The following RIC1 variants were observed in gnomAD, a reference collection of about 807,000 sequenced individuals.
The protein encoded by RIC1 is guanine nucleotide exchange factor subunit RIC1.
A neutral mutation model predicts 169.0 loss-of-function variants in RIC1; 88 were observed. The ratio of observed to expected loss-of-function variants is 0.52; its 90% CI spans 0.44 to 0.62. RIC1 has a LOEUF of 0.62. Among genes scored for constraint, RIC1 ranks in the 20% least tolerant of loss-of-function variants. RIC1 has a pLI of 0.00. For synonymous variants in RIC1, 790 were observed against 601.5 expected (o/e 1.31, Z -4.59); for missense variants, 1,877 against 1,725.5 (o/e 1.09, Z -1.56).
chr9:5,658,357 A>G (rs1169247734), intron 2 of RIC1, among the ~76,000 whole-genome samples: 1 of 152,144 alleles, frequency 6.6e-6, no homozygotes, highest in African/African-American at 2.4e-5. Flanking sequence ...TAAAAAATTT[A>G]GCACAGAACA....
chr9:5,706,608 T>A (rs1355545275), intron 3 of RIC1, among the ~76,000 whole-genome samples: 1 of 152,198 alleles, frequency 6.6e-6, no homozygotes, highest in African/African-American at 2.4e-5. Flanking sequence ...GGTTTTTTGA[T>A]TAGTGACTCA....
chr9:5,651,182 C>G (rs560317981), intron 1 of RIC1, among the ~76,000 whole-genome samples: 15 of 152,258 alleles, frequency 9.9e-5, no homozygotes, highest in Admixed American at 3.3e-4. Flanking sequence ...GGGTATCTCT[C>G]ATTTACCTTT....
At chr9:5,668,788 T>G (rs1238650294) in intron 2 of RIC1, among the ~76,000 whole-genome samples, 5 of 152,184 alleles carry the variant, frequency 3.3e-5, no homozygotes. Flanking sequence ...ATTGTTTTCT[T>G]GATTTTCTTT....
intron 7 of RIC1, among the ~76,000 whole-genome samples, chr9:5,733,307 A>C (rs191627112): frequency 6.9e-6 from 1 of 144,166 alleles, no homozygotes; most frequent in Non-Finnish European, 1.5e-5. Context: ...TCTGTTGCCC[A>C]GGCTGGAGTG....
chr9:5,684,389 A>G (rs985365258), intron 2 of RIC1, among the ~76,000 whole-genome samples: 1 of 148,924 alleles, frequency 6.7e-6, no homozygotes, highest in African/African-American at 2.5e-5. Flanking sequence ...GAGAGTTGCT[A>G]TCTTAGCAAT....
At chr9:5,777,379 TAAA>T (rs1827646152), downstream of RIC1, among the ~76,000 whole-genome samples, 1 of 150,970 alleles carries the variant, frequency 6.6e-6, no homozygotes, top group Admixed American at 6.6e-5. Context: ...TGGAAGACTC[TAAA>T]ATGTACCCAT....
At chr9:5,723,884 T>C (rs1823774118) in intron 6 of RIC1, among the ~76,000 whole-genome samples, 2 of 152,266 alleles carry the variant, frequency 1.3e-5, no homozygotes, top group Non-Finnish European at 2.9e-5. Flanking sequence ...TGTGGTATTA[T>C]TTCTGAGGGC....
At chr9:5,712,865 A>G (rs1180744276) in intron 3 of RIC1, 1 of 152,210 alleles carries the variant, frequency 6.6e-6, no homozygotes, top group African/African-American at 2.4e-5. Context: ...TAGTTTAGTC[A>G]TTTAGACTTA....
At chr9:5,703,290 C>T (rs574338477) in intron 3 of RIC1, among the ~76,000 whole-genome samples, 8 of 152,190 alleles carry the variant, frequency 5.3e-5, no homozygotes, top group African/African-American at 7.2e-5. Flanking sequence ...CTATAAGCCC[C>T]GTGCAGATCT....
In RIC1 at chr9:5,689,800, TAAA is replaced by T. The variant is rs1821486824; in HGVS notation, c.253-156_253-154del. On this transcript the variant is annotated intron_variant, in intron 2 of 25. Coordinates refer to ENST00000414202, the MANE Select transcript of RIC1 (RefSeq NM_020829.4). Reference sequence around the variant, plus strand: ...CCCTTTTTTTCAACATGGGTTATATTAAAAAGTCGCTTCTATTTGCATAATTAG... The same window carrying T: ...CCCTTTTTTTCAACATGGGTTATATTAAGTCGCTTCTATTTGCATAATTAG... Among the ~76,000 whole-genome samples, 4 of 152,172 alleles carry T rather than the reference TAAA, an allele frequency of 2.6e-5. No homozygotes were observed. The South Asian group carries it at 8.3e-4, about 31-fold the overall frequency.
At chr9:5,670,527 T>A (rs1019207356) in intron 2 of RIC1, among the ~76,000 whole-genome samples, 1 of 152,216 alleles carries the variant, frequency 6.6e-6, no homozygotes, top group South Asian at 2.1e-4. Context: ...TATTGTATAT[T>A]ACTGTGCAGT....
intron 3 of RIC1, among the ~76,000 whole-genome samples, chr9:5,709,331 A>G (rs1466062788): frequency 1.3e-5 from 2 of 152,084 alleles, no homozygotes; most frequent in African/African-American, 2.4e-5. Flanking sequence ...CATTATTTCT[A>G]CGTGCAGACA....
At chr9:5,651,709 G>C (rs548528300) in intron 1 of RIC1, among the ~76,000 whole-genome samples, 1 of 151,800 alleles carries the variant, frequency 6.6e-6, no homozygotes, top group East Asian at 1.9e-4. Context: ...GATTACAGGT[G>C]CATGCCACCA....
chr9:5,684,271 T>TCCCCC (rs1563897743), intron 2 of RIC1, among the ~76,000 whole-genome samples: 1 of 9,294 alleles, frequency 1.1e-4, no homozygotes, highest in Non-Finnish European at 2.4e-4. Flanking sequence ...CCATCTTGGC[T>TCCCCC]CCACCCCCCC....
At chr9:5,700,339 T>G (rs1403094582) in intron 3 of RIC1, among the ~76,000 whole-genome samples, 3 of 152,186 alleles carry the variant, frequency 2.0e-5, no homozygotes, top group Non-Finnish European at 4.4e-5. Flanking sequence ...TTCAGCTGTT[T>G]CATTTCTTTT....
chr9:5,741,286 A>T (rs1385389093), intron 8 of RIC1, among the ~76,000 whole-genome samples: 1 of 152,098 alleles, frequency 6.6e-6, no homozygotes, highest in Admixed American at 6.6e-5. Context: ...CTGCAGTTCA[A>T]CTGTGATGTG....
intron 3 of RIC1, among the ~76,000 whole-genome samples, chr9:5,704,841 T>G (rs1406156316): frequency 6.6e-6 from 1 of 152,198 alleles, no homozygotes; most frequent in East Asian, 1.9e-4. Context: ...TTGAATTATT[T>G]TTTACTTATG....
At chr9:5,697,364 G>A (rs1481444143) in intron 3 of RIC1, among the ~76,000 whole-genome samples, 5 of 152,114 alleles carry the variant, frequency 3.3e-5, no homozygotes, top group Middle Eastern at 3.2e-3. Flanking sequence ...GTCCTGTGCT[G>A]CCTGCTGTCT....
intron 2 of RIC1, 104 bp from the exon 3 acceptor site, chr9:5,689,855 G>T: frequency 1.4e-6 from 1 of 715,594 alleles, no homozygotes; most frequent in Non-Finnish European, 2.3e-6. Context: ...GGAGGGTATT[G>T]GAGAATAAAT....
Sources: allele counts gnomAD v4.1 joint callset (sites outside exome capture counted in the v4.1 genomes callset), GRCh38; gene constraint gnomAD v4.1.1; transcripts MANE v1.5; gene names NCBI Gene and HGNC (gene_info 2026-07-23, HGNC 2026-07-21).